Variants in SV2B observed in about 807,000 individuals in gnomAD.
The protein encoded by SV2B is solute carrier family 22 member B2.
Under a neutral mutation model 73.9 loss-of-function variants are expected in SV2B, and 41 were observed. The observed-to-expected ratio is 0.56, with a 90% CI of 0.43 to 0.72. SV2B has a LOEUF of 0.72. Among genes scored for constraint, SV2B ranks in the 30% least tolerant of loss-of-function variants. The probability of loss-of-function intolerance (pLI) is 0.00; values close to 1 mark genes in which losing one functional copy is unlikely to be tolerated. For synonymous variants in SV2B, 314 were observed against 314.2 expected (o/e 1.00, Z 0.01); for missense variants, 764 against 857.8 (o/e 0.89, Z 1.37).
chr15:91,195,785 A>G (rs187873154), intron 1 of SV2B, among the ~76,000 whole-genome samples: 2 of 152,340 alleles, frequency 1.3e-5, no homozygotes, highest in East Asian at 3.9e-4. Context: ...CCAGTTAGAT[A>G]TGCAAAAGTA....
chr15:91,152,649 A>C (rs1252866061), intron 1 of SV2B, among the ~76,000 whole-genome samples: 1 of 152,134 alleles, frequency 6.6e-6, no homozygotes, highest in African/African-American at 2.4e-5. Context: ...TTTATCATCT[A>C]TTGCTTGTCA....
rs1196740284 is a variant in SV2B at position 91,266,620 on chromosome 15, C to T, written c.1047C>T (p.Phe349=). The change falls in exon 7 of 13, where the codon TTC becomes TTT. Residue 349 remains phenylalanine (F), a synonymous_variant. Coordinates refer to ENST00000394232, the MANE Select transcript of SV2B (RefSeq NM_001323032.3). The part of the protein sequence containing the change: ...NIKTPKQMDE[F]IEIQSSTGTW... ...AAACTCCCAAGCAAATGGATGAATT[C>T]ATTGAGATCCAAAGTTCAACAGGAA... The T allele has an allele frequency of 1.9e-6, 3 of 1,614,124 alleles. No individual in the cohort carries two copies. Among genetic ancestry groups the T allele is most frequent in the Admixed American group, 1.7e-5 (1 of 60,022 alleles).
intron 1 of SV2B, among the ~76,000 whole-genome samples, chr15:91,178,459 A>G (rs1259885064): frequency 6.6e-6 from 1 of 152,002 alleles, no homozygotes; most frequent in Non-Finnish European, 1.5e-5. Flanking sequence ...ATAGTTTCAG[A>G]AGGAATGGTA....
At chr15:91,264,938 T>G (rs1338290422) in intron 6 of SV2B, among the ~76,000 whole-genome samples, 1 of 152,062 alleles carries the variant, frequency 6.6e-6, no homozygotes, top group Non-Finnish European at 1.5e-5. Flanking sequence ...CTTAAAAAGG[T>G]TATGGGCTCA....
At chr15:91,249,525 G>A (rs2141602771) in intron 2 of SV2B, among the ~76,000 whole-genome samples, 1 of 152,256 alleles carries the variant, frequency 6.6e-6, no homozygotes, top group South Asian at 2.1e-4. Context: ...GTAAAGAGAA[G>A]GAATCTAACA....
rs948940345 is a variant in SV2B at position 91,246,715 on chromosome 15, C to G, written c.452-5104C>G. Reference sequence around the variant, plus strand: ...CCACCACATCGCTCCTCCTTTCAACCTCCTCCTCCTCCTCCTCCTCCTCCT... The same window carrying G: ...CCACCACATCGCTCCTCCTTTCAACGTCCTCCTCCTCCTCCTCCTCCTCCT... On this transcript the variant is annotated intron_variant, in intron 2 of 12. Coordinates refer to ENST00000394232, the MANE Select transcript of SV2B (RefSeq NM_001323032.3). Among the ~76,000 whole-genome samples the G allele has an allele frequency of 1.2e-4, 9 of 74,918 alleles. No individual in the cohort carries two copies. In the African/African-American group the frequency reaches 1.9e-3, roughly 16 times the overall value. The allele number at this position is 74,918 out of a possible 152,430, so 49.1% of individuals were successfully genotyped here.
In SV2B at chr15:91,267,544, A is replaced by G. The variant is rs1249525757; in HGVS notation, c.1120-11A>G. 22 of 1,608,162 alleles carry G rather than the reference A, an allele frequency of 1.4e-5. No individual in the cohort carries two copies. Among genetic ancestry groups the G allele is most frequent in the Non-Finnish European group, 1.9e-5 (22 of 1,175,224 alleles). ...CTTTCTTTAACAATCCTTCTCTGGT[A>G]TGGGTTGTAGGTCTGGGATAATGCC... On this transcript the variant is annotated splice_polypyrimidine_tract_variant and intron_variant, in intron 7 of 12. Transcript: ENST00000394232. The surrounding 1 kb of genome is among the most constrained non-coding windows in gnomAD (Gnocchi z 4.3).
At chr15:91,211,302 G>A (rs2045850184) in intron 1 of SV2B, among the ~76,000 whole-genome samples, 1 of 152,172 alleles carries the variant, frequency 6.6e-6, no homozygotes, top group South Asian at 2.1e-4. Flanking sequence ...AGCAGGCAGA[G>A]TTTGTCAACC....
chr15:91,296,781 T>C lies in SV2B; in HGVS notation c.*4229T>C. ...GCCCGATCGTTGGGAGCACACTCCTTCTGCCCAATCATTGGGCTCACGCTC... is the reference window on the plus strand; with the variant it reads ...GCCCGATCGTTGGGAGCACACTCCTCCTGCCCAATCATTGGGCTCACGCTC... On this transcript the variant is annotated 3_prime_UTR_variant, in exon 13 of 13. Coordinates refer to ENST00000394232, the MANE Select transcript of SV2B (RefSeq NM_001323032.3). 6.5e-6 allele frequency: 1 copy of C among 153,664 alleles called. No individual in the cohort carries two copies. The highest frequency in any genetic ancestry group is 1.8e-4 in the South Asian group (1 of 5,556). The allele number at this position is 153,664 out of a possible 1,614,324, so 9.5% of individuals were successfully genotyped here.
intron 1 of SV2B, among the ~76,000 whole-genome samples, chr15:91,221,456 A>T (rs2141466390): frequency 6.6e-6 from 1 of 152,116 alleles, no homozygotes; most frequent in South Asian, 2.1e-4. Flanking sequence ...CTGAAAAAAT[A>T]TTTTTTTTAA....
At chr15:91,228,210 A>G (rs994835335) in intron 2 of SV2B, among the ~76,000 whole-genome samples, 3 of 152,222 alleles carry the variant, frequency 2.0e-5, no homozygotes, top group African/African-American at 7.2e-5. Flanking sequence ...TGTGTCAGAT[A>G]TAACCCTGAG....
intron 1 of SV2B, among the ~76,000 whole-genome samples, chr15:91,205,521 A>G: frequency 6.6e-6 from 1 of 152,070 alleles, no homozygotes; most frequent in Non-Finnish European, 1.5e-5. Context: ...GTGCACCACC[A>G]TGCCCGGCTA....
At chr15:91,184,636 C>A (rs1415364787) in intron 1 of SV2B, among the ~76,000 whole-genome samples, 2 of 152,186 alleles carry the variant, frequency 1.3e-5, no homozygotes, top group Admixed American at 1.3e-4. Context: ...TGCTTGCCAG[C>A]TGCTTCTTCC....
rs1045640594 is a variant in SV2B at position 91,253,094 on chromosome 15, A to G, written c.784+574A>G. On this transcript the variant is annotated intron_variant, in intron 4 of 12. Transcript: ENST00000394232. This position sits in a 1 kb window ranked among gnomAD's most constrained non-coding sequence, Gnocchi z 5.0. ...TCATGGTTTCAGCCGGGACAATTTTATTTTCCTGGATAATTGTAAACACTA... is the reference window on the plus strand; with the variant it reads ...TCATGGTTTCAGCCGGGACAATTTTGTTTTCCTGGATAATTGTAAACACTA... 6.6e-6 allele frequency among the ~76,000 whole-genome samples: 1 copy of G among 152,092 alleles called. No homozygotes were observed. Among genetic ancestry groups the G allele is most frequent in the African/African-American group, 2.4e-5 (1 of 41,404 alleles).
rs948635360 is a variant in SV2B at position 91,295,702 on chromosome 15, A to C, written c.*3150A>C. On this transcript the variant is annotated 3_prime_UTR_variant, in exon 13 of 13. Transcript: ENST00000394232. ...CATTCCCTGAGACCATTCATTGACT[A>C]TTCCCTTGATGGCTTTACTATAATG... is the stretch of plus-strand genomic sequence containing the variant. 6.6e-6 allele frequency: 1 copy of C among 152,216 alleles called. No homozygotes were observed. The highest frequency in any genetic ancestry group is 1.5e-5 in the Non-Finnish European group (1 of 68,038). 9.4% of individuals were successfully genotyped at this position (152,216 alleles called of 1,614,324 possible). A position where few individuals can be genotyped will look rare whatever the true frequency, so the allele number is the denominator to read the frequency against.
rs1238366918 is a variant in SV2B at position 91,225,868 on chromosome 15, C to T, written c.-391-5C>T. On this transcript the variant is annotated splice_region_variant and splice_polypyrimidine_tract_variant and intron_variant, in intron 1 of 12. Coordinates refer to ENST00000394232, the MANE Select transcript of SV2B (RefSeq NM_001323032.3). Reference sequence around the variant, plus strand: ...TTCTTCTCTATCCCTTCTCTCTGTTCTCAGAGCATAACCTTCGGTGGCAGG... The same window carrying T: ...TTCTTCTCTATCCCTTCTCTCTGTTTTCAGAGCATAACCTTCGGTGGCAGG... 2 of 214,800 alleles carry T rather than the reference C, an allele frequency of 9.3e-6. No homozygotes were observed. The highest frequency in any genetic ancestry group is 3.2e-4 in the East Asian group (2 of 6,286). 13.3% of individuals were successfully genotyped at this position (214,800 alleles called of 1,614,324 possible).
At chr15:91,119,539 C>T (rs2042269013) in intron 1 of SV2B, among the ~76,000 whole-genome samples, 1 of 152,216 alleles carries the variant, frequency 6.6e-6, no homozygotes, top group African/African-American at 2.4e-5. Flanking sequence ...ATTCAAGTTT[C>T]CAGCCAGGTG....
rs10696273 is a variant in SV2B, at chr15:91,107,297, G to GTTTATTTATTTA, written c.-392+6954_-392+6965dup. 7.7e-3 allele frequency among the ~76,000 whole-genome samples: 1,118 copies of GTTTATTTATTTA among 145,828 alleles called. 16 individuals are homozygous for GTTTATTTATTTA. Among genetic ancestry groups the GTTTATTTATTTA allele is most frequent in the African/African-American group, 0.026 (1,000 of 38,800 alleles). Reference sequence around the variant, plus strand: ...TCAGACTTCATTACTTTATTTGTTTGTTTATTTATTTATTTATTTATTTAT... The same window carrying GTTTATTTATTTA: ...TCAGACTTCATTACTTTATTTGTTTGTTTATTTATTTATTTATTTATTTATTTATTTATTTAT... On this transcript the variant is annotated intron_variant, in intron 1 of 12. Coordinates refer to ENST00000394232, the MANE Select transcript of SV2B (RefSeq NM_001323032.3).
Position 91,132,956 on chromosome 15 carries a change from C to CTA in SV2B, c.-392+32594_-392+32595dup, listed in dbSNP as rs2141159641. The stretch of plus-strand genomic sequence containing the variant: ...CCAGTGCATAATAAGGGCTAAAAGA[C>CTA]TAAAGACTATTGGGCATCTGTTGCG... On this transcript the variant is annotated intron_variant, in intron 1 of 12. Coordinates refer to ENST00000394232, the MANE Select transcript of SV2B (RefSeq NM_001323032.3). This position sits in a 1 kb window ranked among gnomAD's most constrained non-coding sequence, Gnocchi z 4.6. 6.6e-6 allele frequency among the ~76,000 whole-genome samples: 1 copy of CTA among 152,346 alleles called. No homozygotes were observed. The highest frequency in any genetic ancestry group is 6.5e-5 in the Admixed American group (1 of 15,302).
Sources: allele counts gnomAD v4.1 joint callset (sites outside exome capture counted in the v4.1 genomes callset), GRCh38; gene constraint gnomAD v4.1.1; non-coding constraint Gnocchi (gnomAD v3.1); transcripts MANE v1.5; gene names NCBI Gene and HGNC (gene_info 2026-07-23, HGNC 2026-07-21).